The following NXPH1 variants were observed in gnomAD, a reference collection of about 807,000 sequenced individuals.
NXPH1 encodes neurexophilin-1.
A neutral mutation model predicts 23.7 loss-of-function variants in NXPH1; 5 were observed. The ratio of observed to expected loss-of-function variants is 0.21; its 90% CI spans 0.11 to 0.44. The LOEUF (loss-of-function observed/expected upper bound fraction) is 0.44, where lower values mean the gene tolerates loss of function less well. NXPH1 is among the 20% of genes least tolerant of loss of function. NXPH1 has a pLI of 0.99. For missense variants in NXPH1, 324 were observed against 321.6 expected (o/e 1.01, Z -0.06); for synonymous variants, 144 against 122.2 (o/e 1.18, Z -1.18).
chr7:8,604,333 C>T (rs1018476297), intron 2 of NXPH1, among the ~76,000 whole-genome samples: 12 of 152,108 alleles, frequency 7.9e-5, no homozygotes, highest in African/African-American at 2.9e-4. Context: ...TCTTGAGCAC[C>T]TACCTACAAT....
At chr7:8,630,623 G>A (rs1012686157) in intron 2 of NXPH1, among the ~76,000 whole-genome samples, 1 of 152,286 alleles carries the variant, frequency 6.6e-6, no homozygotes, top group Middle Eastern at 3.4e-3. Flanking sequence ...CATGCCCAAT[G>A]TAATTAAAAC....
intron 2 of NXPH1, among the ~76,000 whole-genome samples, chr7:8,465,245 G>C (rs947122084): frequency 6.6e-6 from 1 of 152,152 alleles, no homozygotes; most frequent in East Asian, 1.9e-4. Flanking sequence ...GATTATTATA[G>C]CATCTTTACA....
chr7:8,487,837 AG>A lies in NXPH1; in HGVS notation c.54+52072del, dbSNP rs769991946. ...AGGGCTCACAGTTTAATATTAGAGG[AG>A]GTGTTTTGAATTTCTCTTTCAACAC... On this transcript the variant is annotated intron_variant, in intron 2 of 2. Coordinates refer to ENST00000405863, the MANE Select transcript of NXPH1 (RefSeq NM_152745.3). 1.7e-4 allele frequency among the ~76,000 whole-genome samples: 26 copies of A among 152,258 alleles called. No individual in the cohort carries two copies. The East Asian group carries it at 2.3e-3, about 14-fold the overall frequency.
At chr7:8,536,265 T>C (rs1462909311) in intron 2 of NXPH1, among the ~76,000 whole-genome samples, 2 of 152,062 alleles carry the variant, frequency 1.3e-5, no homozygotes, top group Non-Finnish European at 2.9e-5. Flanking sequence ...CATATAATAA[T>C]AGAATGTTTG....
intron 2 of NXPH1, among the ~76,000 whole-genome samples, chr7:8,733,684 G>A (rs760798526): frequency 1.2e-4 from 18 of 151,872 alleles, no homozygotes; most frequent in African/African-American, 3.1e-4. Flanking sequence ...GTCTTCTTTC[G>A]AGAAGTGTCT....
intron 2 of NXPH1, among the ~76,000 whole-genome samples, chr7:8,641,066 A>G (rs1362740832): frequency 6.6e-6 from 1 of 152,216 alleles, no homozygotes; most frequent in Non-Finnish European, 1.5e-5. Context: ...ACAGACTTCC[A>G]TGTAAGAACA....
intron 2 of NXPH1, among the ~76,000 whole-genome samples, chr7:8,467,453 C>G (rs1816803666): frequency 6.6e-6 from 1 of 152,106 alleles, no homozygotes; most frequent in Non-Finnish European, 1.5e-5. Flanking sequence ...ATTATGGCTC[C>G]CCTTAGGACA....
rs143928497 is a variant in NXPH1 at position 8,743,875 on chromosome 7, G to C, written c.55-7133G>C. On this transcript the variant is annotated intron_variant, in intron 2 of 2. Transcript: ENST00000405863. The stretch of plus-strand genomic sequence containing the variant: ...ATTTTTTTGTATTTTCAGTAGAGAC[G>C]GGGTTTCAGTGTGTTAGCCAGGATG... Among the ~76,000 whole-genome samples the C allele has an allele frequency of 4.6e-5, 7 of 151,902 alleles. No individual in the cohort carries two copies. In the East Asian group the frequency reaches 1.4e-3, roughly 30 times the overall value.
chr7:8,533,826 C>T (rs1372146547), intron 2 of NXPH1, among the ~76,000 whole-genome samples: 1 of 152,014 alleles, frequency 6.6e-6, no homozygotes, highest in African/African-American at 2.4e-5. Flanking sequence ...AAGAGCTGAT[C>T]AATATTTTGG....
intron 2 of NXPH1, among the ~76,000 whole-genome samples, chr7:8,739,991 T>C (rs1201816253): frequency 6.6e-6 from 1 of 152,210 alleles, no homozygotes; most frequent in Non-Finnish European, 1.5e-5. Flanking sequence ...CAGTAGGCAG[T>C]GTGTGACTGT....
chr7:8,580,163 C>G (rs527626620), intron 2 of NXPH1, among the ~76,000 whole-genome samples: 1 of 152,244 alleles, frequency 6.6e-6, no homozygotes, highest in South Asian at 2.1e-4. Context: ...GGACTTATGA[C>G]CTTCCATGTA....
intron 2 of NXPH1, among the ~76,000 whole-genome samples, chr7:8,683,887 C>T (rs1000842998): frequency 3.9e-5 from 6 of 152,064 alleles, no homozygotes; most frequent in Non-Finnish European, 8.8e-5. Flanking sequence ...AAGCTAGAGA[C>T]ATTGCTATAA....
intron 2 of NXPH1, among the ~76,000 whole-genome samples, chr7:8,528,942 T>C (rs915851888): frequency 6.6e-6 from 1 of 152,214 alleles, no homozygotes; most frequent in African/African-American, 2.4e-5. Context: ...TTTGGTTAGG[T>C]ACTCACCAGA....
intron 2 of NXPH1, among the ~76,000 whole-genome samples, chr7:8,645,150 G>T (rs950452493): frequency 6.6e-6 from 1 of 151,924 alleles, no homozygotes; most frequent in African/African-American, 2.4e-5. Flanking sequence ...ACTTTTCTTC[G>T]AATGCACACA....
intron 2 of NXPH1, among the ~76,000 whole-genome samples, chr7:8,727,058 G>GTT (rs1412193286): frequency 6.8e-6 from 1 of 146,122 alleles, no homozygotes; most frequent in East Asian, 2.0e-4. Context: ...TCTCATAGTG[G>GTT]TTTTGATTTG....
At chr7:8,725,669 A>G (rs1160785038) in intron 2 of NXPH1, among the ~76,000 whole-genome samples, 1 of 152,180 alleles carries the variant, frequency 6.6e-6, no homozygotes, top group Non-Finnish European at 1.5e-5. Context: ...TGAGAGGTCT[A>G]TTCTATCTAC....
At chr7:8,639,216 A>T (rs932382069) in intron 2 of NXPH1, among the ~76,000 whole-genome samples, 1 of 152,176 alleles carries the variant, frequency 6.6e-6, no homozygotes, top group Non-Finnish European at 1.5e-5. Context: ...GACCTTCCTA[A>T]TACCACATTA....
intron 2 of NXPH1, among the ~76,000 whole-genome samples, chr7:8,572,570 G>A (rs552088406): frequency 1.3e-5 from 2 of 152,126 alleles, no homozygotes; most frequent in East Asian, 1.9e-4. Flanking sequence ...ACATAGAGCT[G>A]TGAAGGTAAA....
chr7:8,709,293 T>C (rs1048167133), intron 2 of NXPH1, among the ~76,000 whole-genome samples: 1 of 152,196 alleles, frequency 6.6e-6, no homozygotes, highest in Non-Finnish European at 1.5e-5. Flanking sequence ...TTGTATGTCA[T>C]TCACATGCTC....
Sources: allele counts gnomAD v4.1 joint callset (sites outside exome capture counted in the v4.1 genomes callset), GRCh38; gene constraint gnomAD v4.1.1; transcripts MANE v1.5; gene names NCBI Gene and HGNC (gene_info 2026-07-23, HGNC 2026-07-21).